CRACD: variants seen among roughly 807,000 people sequenced by gnomAD.
CRACD encodes the protein capping protein inhibiting regulator of actin dynamics.
CRACD carries 56 observed loss-of-function variants against 106.8 expected under a neutral mutation model. The ratio of observed to expected loss-of-function variants is 0.52; its 90% CI spans 0.42 to 0.66. The LOEUF is 0.66. Among genes scored for constraint, CRACD ranks in the 30% least tolerant of loss-of-function variants. CRACD has a pLI of 0.00. For missense variants in CRACD, 1,730 were observed against 1,623.2 expected (o/e 1.07, Z -1.13); for synonymous variants, 754 against 670.8 (o/e 1.12, Z -1.92).
At chr4:56,246,580 C>T (rs1740695073) in intron 2 of CRACD, 1 of 152,196 alleles carries the variant, frequency 6.6e-6, no homozygotes, top group South Asian at 2.1e-4. Context: ...TCATAACATA[C>T]CAAGTGCCCT....
intron 2 of CRACD, among the ~76,000 whole-genome samples, chr4:56,237,272 A>T (rs1740033560): frequency 6.6e-6 from 1 of 152,204 alleles, no homozygotes; most frequent in Non-Finnish European, 1.5e-5. Flanking sequence ...ATAGATTATA[A>T]TTCCTTTTTA....
At chr4:56,250,112 T>G (rs1047374228) in intron 2 of CRACD, among the ~76,000 whole-genome samples, 1 of 152,152 alleles carries the variant, frequency 6.6e-6, no homozygotes, top group African/African-American at 2.4e-5. Flanking sequence ...CTAATATTCT[T>G]TTTCCTCTTT....
chr4:56,224,131 T>G (rs554231307), intron 2 of CRACD, among the ~76,000 whole-genome samples: 15 of 151,416 alleles, frequency 9.9e-5, no homozygotes, highest in Non-Finnish European at 2.2e-4. Context: ...TCTTTTTTTT[T>G]CAGAGTTTTC....
intron 1 of CRACD, among the ~76,000 whole-genome samples, chr4:56,051,993 A>C (rs1731894240): frequency 6.6e-6 from 1 of 152,212 alleles, no homozygotes. Flanking sequence ...CAAACTAAGC[A>C]CTCAGTGTCA....
Position 56,196,160 on chromosome 4 carries a change from T to TTA in CRACD, c.-189+16730_-189+16731insTA, listed in dbSNP as rs572125652. 4.6e-5 allele frequency among the ~76,000 whole-genome samples: 7 copies of TTA among 152,320 alleles called. No homozygotes were observed. In the South Asian group the frequency reaches 1.5e-3, roughly 32 times the overall value. On this transcript the variant is annotated intron_variant, in intron 2 of 10. Coordinates refer to ENST00000682029, the MANE Select transcript of CRACD (RefSeq NM_001393381.1). ...TAATGTCAGTGTTTTATTACAGGTA[T>TTA]CAGTTTGTTTCCTCCATCTCTTCCA...
chr4:56,135,005 C>T (rs779338860), intron 1 of CRACD, among the ~76,000 whole-genome samples: 40 of 151,694 alleles, frequency 2.6e-4, no homozygotes, highest in Non-Finnish European at 3.1e-4. Flanking sequence ...GCTTTTGGGC[C>T]GGGCGCGGTG....
chr4:56,311,927 G>A (rs542824362), intron 6 of CRACD, among the ~76,000 whole-genome samples: 1 of 152,206 alleles, frequency 6.6e-6, no homozygotes, highest in South Asian at 2.1e-4. Flanking sequence ...TGTGGGTTCG[G>A]GCTGTGTCAC....
chr4:56,128,483 T>A (rs989423919), intron 1 of CRACD, among the ~76,000 whole-genome samples: 4 of 152,202 alleles, frequency 2.6e-5, no homozygotes, highest in Non-Finnish European at 5.9e-5. Context: ...GAGCTTTCAT[T>A]CCATTGTTGT....
At position 56,316,377 on chromosome 4, in the gene CRACD, C is replaced by T; in HGVS notation, c.2875C>T (p.Gln959Ter). 6.2e-7 allele frequency: 1 copy of T among 1,614,122 alleles called. No homozygotes were observed. The highest frequency in any genetic ancestry group is 1.1e-5 in the South Asian group (1 of 91,086). Residue 959 changes from glutamine to a stop codon, truncating the protein, a stop_gained, in exon 8 of 11, where the codon CAA (glutamine) becomes TAA (stop). Coordinates refer to ENST00000682029, the MANE Select transcript of CRACD (RefSeq NM_001393381.1). LOFTEE classifies it high-confidence loss of function. ...DKAANKMPLA[Q>*]KPALAPKPTS... ...GGCAGCAAACAAAATGCCACTGGCA[C>T]AAAAGCCAGCACTGGCTCCCAAGCC...
At chr4:56,146,685 A>T (rs1295740669) in intron 1 of CRACD, among the ~76,000 whole-genome samples, 1 of 151,558 alleles carries the variant, frequency 6.6e-6, no homozygotes, top group African/African-American at 2.4e-5. Flanking sequence ...TTTGACAATG[A>T]TATATTTGTT....
At chr4:56,204,255 C>A (rs1436677031) in intron 2 of CRACD, among the ~76,000 whole-genome samples, 1 of 152,252 alleles carries the variant, frequency 6.6e-6, no homozygotes, top group Non-Finnish European at 1.5e-5. Context: ...GACTCTCCTT[C>A]TGTTTTTCCA....
At chr4:56,079,455 T>G (rs1220862804) in intron 1 of CRACD, among the ~76,000 whole-genome samples, 2 of 152,028 alleles carry the variant, frequency 1.3e-5, no homozygotes, top group Admixed American at 6.6e-5. Flanking sequence ...CTTTTCTTTT[T>G]TTTTTTTTGA....
chr4:56,312,382 C>T (rs1013525617), intron 6 of CRACD, among the ~76,000 whole-genome samples: 14 of 152,126 alleles, frequency 9.2e-5, no homozygotes, highest in Admixed American at 7.2e-4. Flanking sequence ...AGACTGGTCT[C>T]GAACTCCTGG....
chr4:56,059,662 G>A (rs533743070), intron 1 of CRACD, among the ~76,000 whole-genome samples: 2 of 152,130 alleles, frequency 1.3e-5, no homozygotes, highest in East Asian at 3.9e-4. Flanking sequence ...GGTAGGTCTC[G>A]GCCCAAACTA....
In CRACD at chr4:56,117,414, G is replaced by A. The variant is rs181911035; in HGVS notation, c.-335-61870G>A. The stretch of plus-strand genomic sequence containing the variant: ...CCAGTCACAAAAAGACAAATACTGT[G>A]TGATTCCACTTATGAGGTACTTAGA... On this transcript the variant is annotated intron_variant, in intron 1 of 10. Coordinates refer to ENST00000682029, the MANE Select transcript of CRACD (RefSeq NM_001393381.1). Among the ~76,000 whole-genome samples, 59 of 152,086 alleles carry A rather than the reference G, an allele frequency of 3.9e-4. 1 individual carries two copies. The highest frequency in any genetic ancestry group is 1.7e-3 in the Admixed American group (26 of 15,270).
At chr4:56,184,766 CT>C (rs1481050458) in intron 2 of CRACD, among the ~76,000 whole-genome samples, 1 of 152,178 alleles carries the variant, frequency 6.6e-6, no homozygotes, top group Non-Finnish European at 1.5e-5. Flanking sequence ...AATTTAAAGA[CT>C]TATTTAATCC....
At chr4:56,295,684 T>TAG (rs1187449902) in intron 3 of CRACD, among the ~76,000 whole-genome samples, 1 of 74,148 alleles carries the variant, frequency 1.3e-5, no homozygotes, top group African/African-American at 5.7e-5. Flanking sequence ...TATATATATA[T>TAG]ATATATATAT....
intron 2 of CRACD, among the ~76,000 whole-genome samples, chr4:56,229,727 T>C (rs1022519843): frequency 1.3e-5 from 2 of 152,196 alleles, no homozygotes; most frequent in African/African-American, 4.8e-5. Context: ...CCTTTCTAAA[T>C]GTACTGTATG....
intron 3 of CRACD, among the ~76,000 whole-genome samples, chr4:56,293,665 A>G (rs1256691559): frequency 6.6e-6 from 1 of 152,188 alleles, no homozygotes; most frequent in African/African-American, 2.4e-5. Flanking sequence ...CAGGAGCAGG[A>G]GCAAGAGAGA....
Sources: allele counts gnomAD v4.1 joint callset (sites outside exome capture counted in the v4.1 genomes callset), GRCh38; gene constraint gnomAD v4.1.1; transcripts MANE v1.5; gene names NCBI Gene and HGNC (gene_info 2026-07-23, HGNC 2026-07-21).